TSPAN4: variants seen among roughly 807,000 people sequenced by gnomAD.
TSPAN4 encodes tetraspanin-4.
Under a neutral mutation model 31.5 loss-of-function variants are expected in TSPAN4, and 38 were observed. The ratio of observed to expected loss-of-function variants is 1.21; its 90% CI spans 0.93 to 1.58. TSPAN4 has a LOEUF of 1.58. Ranked by LOEUF, TSPAN4 falls within the 40% of genes most tolerant of loss-of-function variation. The probability of loss-of-function intolerance (pLI) is 0.00; values close to 1 mark genes in which losing one functional copy is unlikely to be tolerated. For synonymous variants in TSPAN4, 186 were observed against 144.6 expected (o/e 1.29, Z -2.06); for missense variants, 330 against 317.3 (o/e 1.04, Z -0.30).
intron 3 of TSPAN4, among the ~76,000 whole-genome samples, chr11:861,368 A>T (rs1314904809): frequency 6.6e-6 from 1 of 152,034 alleles, no homozygotes; most frequent in African/African-American, 2.4e-5. Context: ...TAATCTCAGC[A>T]CTTTGGGAGG....
At chr11:844,650 G>A (rs1285705187) in intron 1 of TSPAN4, 2 of 151,714 alleles carry the variant, frequency 1.3e-5, no homozygotes, top group Admixed American at 6.6e-5. Context: ...AGCAGGGGCG[G>A]GTGGGGGCCC....
intron 5 of TSPAN4, 25 bp downstream of exon 5, chr11:864,536 C>T (rs1848656437): frequency 1.2e-6 from 2 of 1,610,290 alleles, no homozygotes; most frequent in Admixed American, 1.7e-5. Context: ...GCCGCAGGCC[C>T]AACTGCAGGG....
intron 3 of TSPAN4, chr11:858,687 C>T (rs1403176514): frequency 1.6e-4 from 26 of 157,664 alleles, no homozygotes; most frequent in South Asian, 4.1e-4. Flanking sequence ...CAGGCTCCCA[C>T]GGACCTCCGC....
intron 3 of TSPAN4, among the ~76,000 whole-genome samples, chr11:854,671 A>G (rs1847951083): frequency 6.6e-6 from 1 of 152,108 alleles, no homozygotes; most frequent in African/African-American, 2.4e-5. Flanking sequence ...TGTTGTTCCA[A>G]AGGAAAGTCC....
chr11:866,989 C>G lies in TSPAN4; in HGVS notation c.*359C>G, dbSNP rs1002795389. 10 of 207,936 alleles carry G rather than the reference C, an allele frequency of 4.8e-5. No individual in the cohort carries two copies. The highest frequency in any genetic ancestry group is 7.7e-5 in the Non-Finnish European group (8 of 103,466). The allele number at this position is 207,936 out of a possible 1,614,324, so 12.9% of individuals were successfully genotyped here. ...CAGGTTGGCGCTGGAGGAGCCGGGT[C>G]TTGGCATCCTGGAGGTGGCCCCACT... On this transcript the variant is annotated 3_prime_UTR_variant, in exon 9 of 9. Transcript: ENST00000397397.
chr11:853,591 T>G lies in TSPAN4; in HGVS notation c.63+3224T>G, dbSNP rs534504698. 9.3e-5 allele frequency among the ~76,000 whole-genome samples: 14 copies of G among 150,602 alleles called. No homozygotes were observed. In the East Asian group the frequency reaches 2.8e-3, roughly 30 times the overall value. ...TGTGCTCAGAGCCTCCAGCTTTGGGTGGAGTGGGGAGGGTTCCTGGGGCAG... is the reference window on the plus strand; with the variant it reads ...TGTGCTCAGAGCCTCCAGCTTTGGGGGGAGTGGGGAGGGTTCCTGGGGCAG... On this transcript the variant is annotated intron_variant, in intron 3 of 8. Coordinates refer to ENST00000397397, the MANE Select transcript of TSPAN4 (RefSeq NM_003271.5).
intron 4 of TSPAN4, 186 bp downstream of exon 4, chr11:862,927 T>TG (rs772426201): frequency 6.3e-6 from 4 of 630,394 alleles, no homozygotes; most frequent in Non-Finnish European, 1.1e-5. Context: ...ACACTGGGGC[T>TG]GGGGGGTGAT....
At chr11:853,855 G>A (rs1847892146) in intron 3 of TSPAN4, among the ~76,000 whole-genome samples, 1 of 152,224 alleles carries the variant, frequency 6.6e-6, no homozygotes, top group Admixed American at 6.5e-5. Flanking sequence ...GCCTGTGGTG[G>A]GGCCGGGGTG....
intron 4 of TSPAN4, 150 bp from the exon 5 acceptor site, chr11:864,287 G>A (rs1375855824): frequency 1.0e-5 from 9 of 882,260 alleles, no homozygotes; most frequent in Non-Finnish European, 1.6e-5. Flanking sequence ...GGTGGGGGCG[G>A]CGTTCTGGGC....
At chr11:864,675 C>A in intron 5 of TSPAN4, 164 bp downstream of exon 5, 2 of 822,316 alleles carry the variant, frequency 2.4e-6, no homozygotes, top group South Asian at 3.2e-5. Flanking sequence ...GCAGCGCCAG[C>A]GACCCTGGGA....
At chr11:854,654 C>T (rs1484695793) in intron 3 of TSPAN4, among the ~76,000 whole-genome samples, 1 of 152,212 alleles carries the variant, frequency 6.6e-6, no homozygotes, top group Non-Finnish European at 1.5e-5. Context: ...CCTCACTGCC[C>T]ACTCTCTGTT....
chr11:848,430 G>A lies in TSPAN4; in HGVS notation c.-18+1130G>A, dbSNP rs1367088077. On this transcript the variant is annotated intron_variant, in intron 2 of 8. Coordinates refer to ENST00000397397, the MANE Select transcript of TSPAN4 (RefSeq NM_003271.5). This position sits in a 1 kb window ranked among gnomAD's most constrained non-coding sequence, Gnocchi z 5.7. ...TTCCCCCAGCGAGGACCTGGGCATG[G>A]GGTGCTGCCCTGGGGCTTGGGCTGC... Among the ~76,000 whole-genome samples the A allele has an allele frequency of 2.0e-5, 3 of 152,096 alleles. No individual in the cohort carries two copies. The highest frequency in any genetic ancestry group is 2.9e-5 in the Non-Finnish European group (2 of 67,982).
intron 3 of TSPAN4, chr11:858,458 T>A (rs1589779428): frequency 6.3e-6 from 1 of 159,636 alleles, no homozygotes; most frequent in East Asian, 1.9e-4. Flanking sequence ...CCTCTGGTCC[T>A]GCACACTCCA....
chr11:858,594 G>T, intron 3 of TSPAN4: 1 of 150,236 alleles, frequency 6.7e-6, no homozygotes, highest in Non-Finnish European at 1.4e-5. Context: ...ACGCACCCCT[G>T]CTCACACGCA....
At chr11:856,181 C>T (rs888665306) in intron 3 of TSPAN4, among the ~76,000 whole-genome samples, 4 of 151,350 alleles carry the variant, frequency 2.6e-5, no homozygotes, top group Non-Finnish European at 5.9e-5. Context: ...GACGGCCCCC[C>T]GAGCCTCTTG....
chr11:860,754 G>C (rs1173848366), intron 3 of TSPAN4, among the ~76,000 whole-genome samples: 2 of 152,202 alleles, frequency 1.3e-5, no homozygotes, highest in African/African-American at 2.4e-5. Context: ...CCTGGGGTCT[G>C]AGCCTGTCCT....
At chr11:853,308 A>G (rs1322742231) in intron 3 of TSPAN4, among the ~76,000 whole-genome samples, 2 of 152,058 alleles carry the variant, frequency 1.3e-5, no homozygotes, top group Non-Finnish European at 2.9e-5. Flanking sequence ...TTCCAAATGC[A>G]GACCCTCCAA....
At chr11:843,028 G>GC in intron 1 of TSPAN4, 113 bp downstream of exon 1, 1 of 150,398 alleles carries the variant, frequency 6.6e-6, no homozygotes, top group Middle Eastern at 3.5e-3. Flanking sequence ...CGAGCCCAGA[G>GC]CCGACACGCA....
chr11:862,632 C>T lies in TSPAN4; in HGVS notation c.146C>T (p.Pro49Leu), dbSNP rs775953656. The T allele has an allele frequency of 2.2e-5, 35 of 1,613,248 alleles. No homozygotes were observed. Among genetic ancestry groups the T allele is most frequent in the Admixed American group, 2.0e-4 (12 of 59,994 alleles). The change falls in exon 4 of 9, where the codon CCG (proline) becomes CTG (leucine). Residue 49 changes from proline (P) to leucine (L), a missense_variant. Transcript: ENST00000397397. ...TTCGCCACGCTGTCCTCTTCCTTCC[C>T]GTCCCTGTCGGCTGCCAACTTGCTC... ...GSFATLSSSF[P>L]SLSAANLLII... is the part of the protein sequence containing the mutation.
Sources: allele counts gnomAD v4.1 joint callset (sites outside exome capture counted in the v4.1 genomes callset), GRCh38; gene constraint gnomAD v4.1.1; non-coding constraint Gnocchi (gnomAD v3.1); transcripts MANE v1.5; gene names NCBI Gene and HGNC (gene_info 2026-07-23, HGNC 2026-07-21).